Variants in ZBTB44 observed in about 807,000 individuals in gnomAD.
ZBTB44 encodes the protein zinc finger and BTB domain-containing protein 44.
In ZBTB44, 15 loss-of-function variants were observed where a neutral mutation model predicts 54.0. The ratio of observed to expected loss-of-function variants is 0.28; its 90% CI spans 0.19 to 0.43. ZBTB44 has a LOEUF of 0.43. Ranked by LOEUF, ZBTB44 falls within the 20% of genes least tolerant of loss-of-function variation. The probability of loss-of-function intolerance (pLI) is 1.00; values close to 1 mark genes in which losing one functional copy is unlikely to be tolerated. For missense variants in ZBTB44, 487 were observed against 707.1 expected (o/e 0.69, Z 3.53); for synonymous variants, 230 against 250.1 (o/e 0.92, Z 0.76).
chr11:130,312,024 A>G (rs1461717007), intron 1 of ZBTB44, among the ~76,000 whole-genome samples: 1 of 152,238 alleles, frequency 6.6e-6, no homozygotes. Context: ...CCCTGCCCCA[A>G]AAAACATCAT....
chr11:130,289,499 G>T, intron 1 of ZBTB44, among the ~76,000 whole-genome samples: 1 of 141,462 alleles, frequency 7.1e-6, no homozygotes, highest in East Asian at 2.1e-4. Flanking sequence ...AAAAAAAAAA[G>T]ATTTAGGTAA....
intron 2 of ZBTB44, among the ~76,000 whole-genome samples, chr11:130,240,198 C>T (rs1175747837): frequency 6.6e-6 from 1 of 152,032 alleles, no homozygotes; most frequent in Non-Finnish European, 1.5e-5. Context: ...CCCGACACCA[C>T]GCCCGGCTCA....
In ZBTB44 at chr11:130,230,124, C is replaced by T. The variant is rs1280695876; in HGVS notation, c.*1640G>A. 1 of 151,934 alleles carries T rather than the reference C, an allele frequency of 6.6e-6. No homozygotes were observed. The highest frequency in any genetic ancestry group is 1.5e-5 in the Non-Finnish European group (1 of 67,908). The allele number at this position is 151,934 out of a possible 1,614,324, so 9.4% of individuals were successfully genotyped here. A position where few individuals can be genotyped will look rare whatever the true frequency, so the allele number is the denominator to read the frequency against. ...CCACATTATACAGTAATGTATTTTT[C>T]AAGGACTATTAAAGCTAAAAGGGAC... On this transcript the variant is annotated 3_prime_UTR_variant, in exon 8 of 8. Coordinates refer to ENST00000357899, the MANE Select transcript of ZBTB44 (RefSeq NM_001301098.2).
rs1051930634 is a variant in ZBTB44, at chr11:130,228,906, G to T, written c.*2858C>A. On this transcript the variant is annotated 3_prime_UTR_variant, in exon 8 of 8. Transcript: ENST00000357899. ...TTAAACGAGAAAGGAACTAATAAAA[G>T]AATTTGACTTTATAAACCAGGTACT... The T allele has an allele frequency of 2.0e-5, 3 of 152,128 alleles. No individual in the cohort carries two copies. The highest frequency in any genetic ancestry group is 4.1e-4 in the South Asian group (2 of 4,824). The allele number at this position is 152,128 out of a possible 1,614,324, so 9.4% of individuals were successfully genotyped here.
At chr11:130,312,243 T>G (rs1003068926) in intron 1 of ZBTB44, among the ~76,000 whole-genome samples, 13 of 152,150 alleles carry the variant, frequency 8.5e-5, no homozygotes, top group African/African-American at 3.1e-4. Context: ...TGTCAGAAAC[T>G]GGGTATTTGC....
chr11:130,239,877 A>G lies in ZBTB44; in HGVS notation c.1038T>C (p.Val346=), dbSNP rs957044778. The change falls in exon 3 of 8, where the codon GTT becomes GTC. Residue 346 remains valine (V), a synonymous_variant. Coordinates refer to ENST00000357899, the MANE Select transcript of ZBTB44 (RefSeq NM_001301098.2). ...SSSIGSVDEG[V]SEGLPTLQST... Reference sequence around the variant, plus strand: ...TTTGAAGTGTAGGCAAGCCCTCAGAAACGCCTTCATCTACTGAGCCTGTGA... The same window carrying G: ...TTTGAAGTGTAGGCAAGCCCTCAGAGACGCCTTCATCTACTGAGCCTGTGA... 2 of 1,611,416 alleles carry G rather than the reference A, an allele frequency of 1.2e-6. No homozygotes were observed. Among genetic ancestry groups the G allele is most frequent in the African/African-American group, 2.7e-5 (2 of 74,884 alleles).
intron 1 of ZBTB44, among the ~76,000 whole-genome samples, chr11:130,310,896 C>T (rs1228155775): frequency 6.6e-6 from 1 of 152,024 alleles, no homozygotes; most frequent in Non-Finnish European, 1.5e-5. Context: ...GCCACCATGC[C>T]CGGCTAATCC....
chr11:130,244,139 A>G (rs893959241), intron 2 of ZBTB44, among the ~76,000 whole-genome samples: 13 of 152,124 alleles, frequency 8.5e-5, no homozygotes, highest in Non-Finnish European at 1.5e-4. Context: ...TTAACCTTGC[A>G]GTTCCTTGGC....
chr11:130,307,009 CA>C (rs1201315870), intron 1 of ZBTB44, among the ~76,000 whole-genome samples: 2 of 125,422 alleles, frequency 1.6e-5, no homozygotes, highest in East Asian at 4.6e-4. Flanking sequence ...TCCATATAGC[CA>C]AAAACCACCT....
At chr11:130,304,425 C>T (rs905407923) in intron 1 of ZBTB44, among the ~76,000 whole-genome samples, 2 of 152,026 alleles carry the variant, frequency 1.3e-5, no homozygotes, top group African/African-American at 4.8e-5. Context: ...TAATTAGAAG[C>T]CTCCTAAGTA....
intron 1 of ZBTB44, among the ~76,000 whole-genome samples, chr11:130,276,274 T>C (rs1407117143): frequency 1.6e-5 from 2 of 128,866 alleles, no homozygotes; most frequent in Non-Finnish European, 3.3e-5. Context: ...GTTTGTTTCA[T>C]GGCTAGCATA....
chr11:130,250,077 C>T (rs551150932), intron 2 of ZBTB44, among the ~76,000 whole-genome samples: 11 of 152,126 alleles, frequency 7.2e-5, no homozygotes, highest in East Asian at 3.9e-4. Context: ...CAAGCTTGGT[C>T]GGGGGAGGGA....
intron 1 of ZBTB44, among the ~76,000 whole-genome samples, chr11:130,262,379 T>C (rs1239191573): frequency 2.6e-5 from 4 of 152,144 alleles, no homozygotes; most frequent in Non-Finnish European, 4.4e-5. Context: ...CCTCAGGTGA[T>C]AGGCCTGCCT....
Position 130,270,881 on chromosome 11 carries a change from T to C in ZBTB44, c.-56-8952A>G, listed in dbSNP as rs78268359. 6.1e-3 allele frequency among the ~76,000 whole-genome samples: 932 copies of C among 152,370 alleles called. 3 individuals carry two copies. Among genetic ancestry groups the C allele is most frequent in the Non-Finnish European group, 9.6e-3 (652 of 68,036 alleles). On this transcript the variant is annotated intron_variant, in intron 1 of 7. Coordinates refer to ENST00000357899, the MANE Select transcript of ZBTB44 (RefSeq NM_001301098.2). ...AGAAGAATATCCACATGTAAATTTATACATGAAGTTGCCCATTCTGGCCTG... is the reference window on the plus strand; with the variant it reads ...AGAAGAATATCCACATGTAAATTTACACATGAAGTTGCCCATTCTGGCCTG...
Position 130,226,761 on chromosome 11 carries a change from TCAAAA to T in ZBTB44, c.*4998_*5002del, listed in dbSNP as rs1953705808. 6.6e-6 allele frequency: 1 copy of T among 152,148 alleles called. No homozygotes were observed. Among genetic ancestry groups the T allele is most frequent in the Admixed American group, 6.5e-5 (1 of 15,278 alleles). 9.4% of individuals were successfully genotyped at this position (152,148 alleles called of 1,614,324 possible). On this transcript the variant is annotated 3_prime_UTR_variant, in exon 8 of 8. Coordinates refer to ENST00000357899, the MANE Select transcript of ZBTB44 (RefSeq NM_001301098.2). ...GTCTCATGTTTCTATCTAAAGACAC[TCAAAA>T]CTAGTTTTTCCCTGCCCATCCCTTT...
Position 130,270,046 on chromosome 11 carries a change from A to G in ZBTB44, c.-56-8117T>C, listed in dbSNP as rs116352423. Among the ~76,000 whole-genome samples the G allele has an allele frequency of 3.6e-3, 549 of 152,334 alleles. 7 individuals are homozygous for G. The highest frequency in any genetic ancestry group is 0.013 in the African/African-American group (531 of 41,586). ...TATCAGAAGATTTGAGATTAAAACGAAGTAGCTCTTAGCATATAAAGTGAC... is the reference window on the plus strand; with the variant it reads ...TATCAGAAGATTTGAGATTAAAACGGAGTAGCTCTTAGCATATAAAGTGAC... On this transcript the variant is annotated intron_variant, in intron 1 of 7. Coordinates refer to ENST00000357899, the MANE Select transcript of ZBTB44 (RefSeq NM_001301098.2).
chr11:130,278,408 T>C (rs1226500272), intron 1 of ZBTB44, among the ~76,000 whole-genome samples: 3 of 152,244 alleles, frequency 2.0e-5, no homozygotes, highest in Admixed American at 2.0e-4. Flanking sequence ...TCACTTTCAC[T>C]TTTGTGCTAT....
At chr11:130,267,609 G>T (rs1939346182) in intron 1 of ZBTB44, among the ~76,000 whole-genome samples, 1 of 152,006 alleles carries the variant, frequency 6.6e-6, no homozygotes, top group Non-Finnish European at 1.5e-5. Flanking sequence ...AGAGATAGGG[G>T]TATCCCTATG....
chr11:130,290,968 C>T (rs377600993), intron 1 of ZBTB44, among the ~76,000 whole-genome samples: 1 of 149,570 alleles, frequency 6.7e-6, no homozygotes, highest in African/African-American at 2.5e-5. Flanking sequence ...GCAAAATGAA[C>T]TCTTTGCCCT....
Sources: gnomAD v4.1 joint callset for allele counts (sites outside exome capture counted in the v4.1 genomes callset) on GRCh38, gnomAD v4.1.1 for gene constraint, MANE v1.5 for transcripts, NCBI Gene and HGNC (gene_info 2026-07-23, HGNC 2026-07-21) for gene names.